The following STIM2 variants were observed in gnomAD, a reference collection of about 807,000 sequenced individuals.
STIM2 encodes the protein stromal interaction molecule 2.
STIM2 carries 31 observed loss-of-function variants against 85.8 expected under a neutral mutation model. The observed-to-expected ratio is 0.36, with a 90% confidence interval of 0.27 to 0.49. The LOEUF is 0.49. Ranked by LOEUF, STIM2 falls within the 20% of genes least tolerant of loss-of-function variation. STIM2 has a pLI of 0.98. For missense variants in STIM2, 841 were observed against 927.6 expected (o/e 0.91, Z 1.21); for synonymous variants, 356 against 331.1 (o/e 1.08, Z -0.82).
At chr4:26,990,207 A>G (rs1015566876) in intron 3 of STIM2, among the ~76,000 whole-genome samples, 1 of 152,216 alleles carries the variant, frequency 6.6e-6, no homozygotes, top group African/African-American at 2.4e-5. Context: ...TTCAAATTAT[A>G]TTACAAAGCT....
At chr4:27,014,321 T>C (rs1728660117) in intron 10 of STIM2, among the ~76,000 whole-genome samples, 1 of 151,946 alleles carries the variant, frequency 6.6e-6, no homozygotes, top group African/African-American at 2.4e-5. Context: ...GAATTTTCTC[T>C]TTAAGAACCA....
intron 2 of STIM2, among the ~76,000 whole-genome samples, chr4:26,923,333 A>G (rs1443774761): frequency 3.3e-5 from 5 of 152,136 alleles, no homozygotes; most frequent in Admixed American, 3.3e-4. Context: ...CCTCCTCCAA[A>G]GGAACGCAGT....
intron 3 of STIM2, among the ~76,000 whole-genome samples, chr4:26,989,508 G>C (rs1234244159): frequency 1.3e-5 from 2 of 152,122 alleles, no homozygotes; most frequent in Non-Finnish European, 2.9e-5. Flanking sequence ...TGTGTGTTTC[G>C]TGCCGAATGG....
chr4:26,992,040 G>T (rs916957133), intron 3 of STIM2, among the ~76,000 whole-genome samples: 1 of 152,034 alleles, frequency 6.6e-6, no homozygotes, highest in African/African-American at 2.4e-5. Context: ...TCAGTGAGAG[G>T]CAGGTAATAA....
chr4:26,923,508 A>C (rs1291106424), intron 2 of STIM2, among the ~76,000 whole-genome samples: 1 of 146,652 alleles, frequency 6.8e-6, no homozygotes, highest in Non-Finnish European at 1.5e-5. Flanking sequence ...GCCTGCCCTA[A>C]AAGAGCTCCT....
chr4:26,958,237 G>A (rs1011186508), intron 3 of STIM2, among the ~76,000 whole-genome samples: 2 of 151,982 alleles, frequency 1.3e-5, no homozygotes, highest in African/African-American at 4.8e-5. Flanking sequence ...GACAGTAATT[G>A]TTTAGTACAG....
chr4:26,889,617 A>G (rs138574327), intron 1 of STIM2, among the ~76,000 whole-genome samples: 1 of 152,322 alleles, frequency 6.6e-6, no homozygotes, highest in East Asian at 1.9e-4. Context: ...GAACGGTGCC[A>G]TATCAGGGAC....
chr4:27,020,053 C>G (rs1415469393), intron 11 of STIM2, among the ~76,000 whole-genome samples: 2 of 152,182 alleles, frequency 1.3e-5, no homozygotes, highest in Non-Finnish European at 2.9e-5. Flanking sequence ...ATTGAGACCT[C>G]AAGAGATCAA....
intron 3 of STIM2, among the ~76,000 whole-genome samples, chr4:26,987,941 A>G (rs1427489741): frequency 6.6e-6 from 1 of 152,256 alleles, no homozygotes; most frequent in Non-Finnish European, 1.5e-5. Flanking sequence ...ACTTACAGTC[A>G]GAAGGTTAGA....
chr4:26,968,975 ATTTTG>A lies in STIM2; in HGVS notation c.397+11254_397+11258del, dbSNP rs572665449. Among the ~76,000 whole-genome samples the A allele has an allele frequency of 5.2e-3, 785 of 152,278 alleles. 8 individuals carry two copies. Among genetic ancestry groups the A allele is most frequent in the African/African-American group, 0.018 (762 of 41,562 alleles). On this transcript the variant is annotated intron_variant, in intron 3 of 11. Coordinates refer to ENST00000467087, the MANE Select transcript of STIM2 (RefSeq NM_020860.4). ...TGTGTTAGTGGTAGTCTTATTATAT[ATTTTG>A]TTTTATGTCAGCCTTATTACATATT...
chr4:26,860,976 A>G lies in STIM2; in HGVS notation c.-243A>G, dbSNP rs541767369. The G allele has an allele frequency of 1.3e-3, 1,690 of 1,272,076 alleles. 1 individual carries two copies. Among genetic ancestry groups the G allele is most frequent in the Non-Finnish European group, 1.5e-3 (1,473 of 998,078 alleles). The allele number at this position is 1,272,076 out of a possible 1,614,324, so 78.8% of individuals were successfully genotyped here. ...GGAACCAATGAACGCAGCCGGGATC[A>G]GAGCTCCGGAGGCCGCCGGTGCCGA... On this transcript the variant is annotated 5_prime_UTR_variant, in exon 1 of 12. Coordinates refer to ENST00000467087, the MANE Select transcript of STIM2 (RefSeq NM_020860.4).
At chr4:26,935,327 A>G (rs921188137) in intron 2 of STIM2, among the ~76,000 whole-genome samples, 4 of 152,184 alleles carry the variant, frequency 2.6e-5, no homozygotes, top group African/African-American at 9.7e-5. Flanking sequence ...TTCTTTGTTT[A>G]CGTATATGTA....
At chr4:26,879,539 G>A (rs917493148) in intron 1 of STIM2, among the ~76,000 whole-genome samples, 1 of 152,044 alleles carries the variant, frequency 6.6e-6, no homozygotes, top group South Asian at 2.1e-4. Flanking sequence ...ATTGTGTTAA[G>A]TTTTTCATAG....
At chr4:26,914,914 T>C (rs1220390156) in intron 1 of STIM2, among the ~76,000 whole-genome samples, 1 of 152,226 alleles carries the variant, frequency 6.6e-6, no homozygotes, top group African/African-American at 2.4e-5. Flanking sequence ...ACATTTATGC[T>C]TCTTGGTGCA....
intron 1 of STIM2, among the ~76,000 whole-genome samples, chr4:26,868,707 T>C (rs916543651): frequency 1.3e-5 from 2 of 152,176 alleles, no homozygotes; most frequent in African/African-American, 4.8e-5. Context: ...AAATCTGATG[T>C]TGGATAACTA....
intron 4 of STIM2, among the ~76,000 whole-genome samples, chr4:26,997,236 G>C (rs529983563): frequency 1.3e-5 from 2 of 152,242 alleles, no homozygotes; most frequent in East Asian, 1.9e-4. Flanking sequence ...CTAGTTACAA[G>C]AATGTATAAG....
chr4:27,018,583 A>G (rs529165205), intron 11 of STIM2, among the ~76,000 whole-genome samples: 1 of 152,284 alleles, frequency 6.6e-6, no homozygotes, highest in African/African-American at 2.4e-5. Context: ...CCTTTACAGC[A>G]GCATCTATTT....
At chr4:26,999,573 A>G (rs1577488630) in intron 5 of STIM2, among the ~76,000 whole-genome samples, 1 of 152,148 alleles carries the variant, frequency 6.6e-6, no homozygotes, top group Non-Finnish European at 1.5e-5. Flanking sequence ...GAAGTTATAT[A>G]AAAAACTATA....
chr4:26,897,082 T>G (rs1285387758), intron 1 of STIM2, among the ~76,000 whole-genome samples: 1 of 152,224 alleles, frequency 6.6e-6, no homozygotes, highest in Non-Finnish European at 1.5e-5. Context: ...GTACCTCAGT[T>G]TGTTTAACCA....
Sources: allele counts gnomAD v4.1 joint callset (sites outside exome capture counted in the v4.1 genomes callset), GRCh38; gene constraint gnomAD v4.1.1; transcripts MANE v1.5; gene names NCBI Gene and HGNC (gene_info 2026-07-23, HGNC 2026-07-21).